EPSTI1: variants seen among roughly 807,000 people sequenced by gnomAD.
EPSTI1 encodes the protein epithelial-stromal interaction protein 1.
EPSTI1 carries 66 observed loss-of-function variants against 49.9 expected under a neutral mutation model. The observed-to-expected ratio is 1.32, with a 90% confidence interval of 1.08 to 1.62. The LOEUF (loss-of-function observed/expected upper bound fraction) is 1.62. EPSTI1 is among the 40% of genes most tolerant of loss of function. EPSTI1 has a pLI of 0.00. For missense variants in EPSTI1, 394 were observed against 365.5 expected, an observed-to-expected ratio of 1.08 and a Z score of -0.64; for synonymous variants, 137 against 130.7, an observed-to-expected ratio of 1.05 and a Z score of -0.33.
intron 10 of EPSTI1, among the ~76,000 whole-genome samples, chr13:42,889,929 A>AT (rs35017316): frequency 0.071 from 10,750 of 152,154 alleles, 512 homozygotes; most frequent in Admixed American, 0.099. Context: ...TCCAGTTAGA[A>AT]TTTTTTTATG....
intron 9 of EPSTI1, among the ~76,000 whole-genome samples, chr13:42,899,661 C>G (rs1348250824): frequency 6.6e-6 from 1 of 152,186 alleles, no homozygotes; most frequent in Non-Finnish European, 1.5e-5. Flanking sequence ...CCAAGATACT[C>G]AAGTACACCC....
intron 6 of EPSTI1, chr13:42,934,213 AACTG>A (rs1453546841): frequency 6.5e-6 from 1 of 153,566 alleles, no homozygotes; most frequent in Non-Finnish European, 1.5e-5. Flanking sequence ...TAACTTGTGT[AACTG>A]ATTCTGGCAT....
chr13:42,978,215 A>T (rs1007778511), intron 1 of EPSTI1, among the ~76,000 whole-genome samples: 3 of 151,938 alleles, frequency 2.0e-5, no homozygotes, highest in Non-Finnish European at 2.9e-5. Flanking sequence ...CAGCTTCAAG[A>T]GGCCCTGATG....
At position 42,888,395 on chromosome 13, in the gene EPSTI1, G is replaced by A. The variant is rs180729279; in HGVS notation, c.*99C>T. The stretch of plus-strand genomic sequence containing the variant: ...AAGTGTGTGGGCAGTTGAAATTAAG[G>A]TAAAAACAGTGAGGCTGAACAAAAT... On this transcript the variant is annotated 3_prime_UTR_variant, in exon 11 of 11. Transcript: ENST00000313624. 1.2e-6 allele frequency: 2 copies of A among 1,614,144 alleles called. No individual in the cohort carries two copies. The highest frequency in any genetic ancestry group is 1.7e-6 in the Non-Finnish European group (2 of 1,180,014).
intron 8 of EPSTI1, among the ~76,000 whole-genome samples, chr13:42,903,827 A>C (rs1365441239): frequency 1.3e-5 from 2 of 152,210 alleles, no homozygotes; most frequent in African/African-American, 4.8e-5. Flanking sequence ...TTATTTATAA[A>C]CTTGGAGTGA....
intron 6 of EPSTI1, among the ~76,000 whole-genome samples, chr13:42,936,470 A>G (rs1399534425): frequency 6.6e-6 from 1 of 152,144 alleles, no homozygotes; most frequent in African/African-American, 2.4e-5. Context: ...TGAACTTTCA[A>G]CACTAGTAAG....
chr13:42,909,775 G>A (rs1303400862), intron 8 of EPSTI1, among the ~76,000 whole-genome samples: 1 of 152,112 alleles, frequency 6.6e-6, no homozygotes, highest in African/African-American at 2.4e-5. Context: ...AGGCTGGGGG[G>A]GTTAGGAGGA....
At chr13:42,890,164 T>C (rs2153407352) in intron 10 of EPSTI1, among the ~76,000 whole-genome samples, 2 of 152,352 alleles carry the variant, frequency 1.3e-5, no homozygotes, top group Admixed American at 1.3e-4. Flanking sequence ...CTCTCAGTTC[T>C]TTGCTTTGAT....
intron 6 of EPSTI1, among the ~76,000 whole-genome samples, chr13:42,939,854 G>T (rs943559138): frequency 2.0e-5 from 3 of 152,170 alleles, no homozygotes; most frequent in Non-Finnish European, 4.4e-5. Flanking sequence ...TCTGTGAGGT[G>T]CAATAAAGCA....
chr13:42,959,735 A>C (rs1487395268), intron 5 of EPSTI1, among the ~76,000 whole-genome samples: 3 of 152,224 alleles, frequency 2.0e-5, no homozygotes, highest in Non-Finnish European at 4.4e-5. Context: ...GAAGCCACTC[A>C]GATCTTTAGC....
Position 42,920,908 on chromosome 13 carries a change from T to A in EPSTI1, c.658-3284A>T, listed in dbSNP as rs188640908. ...AAGGAGGAGTTTGGAGACATTTTTTTAAATCTCCCCTTCTTCCCCCCAAAA... is the reference window on the plus strand; with the variant it reads ...AAGGAGGAGTTTGGAGACATTTTTTAAAATCTCCCCTTCTTCCCCCCAAAA... On this transcript the variant is annotated intron_variant, in intron 7 of 10. Coordinates refer to ENST00000313624, the MANE Select transcript of EPSTI1 (RefSeq NM_033255.5). Among the ~76,000 whole-genome samples, 388 of 152,260 alleles carry A rather than the reference T, an allele frequency of 2.5e-3. 2 individuals carry two copies. The highest frequency in any genetic ancestry group is 8.3e-3 in the African/African-American group (346 of 41,552).
chr13:42,978,580 C>CT (rs2039926497), intron 1 of EPSTI1, among the ~76,000 whole-genome samples: 1 of 152,236 alleles, frequency 6.6e-6, no homozygotes, highest in Non-Finnish European at 1.5e-5. Context: ...CCCAGGATTT[C>CT]TTTTCATTTC....
intron 8 of EPSTI1, among the ~76,000 whole-genome samples, chr13:42,909,518 C>G (rs991407889): frequency 6.6e-6 from 1 of 152,026 alleles, no homozygotes; most frequent in Non-Finnish European, 1.5e-5. Context: ...TCACAATAGC[C>G]AAGATATGGA....
intron 5 of EPSTI1, among the ~76,000 whole-genome samples, chr13:42,957,621 G>A (rs185930997): frequency 6.6e-6 from 1 of 152,112 alleles, no homozygotes; most frequent in Non-Finnish European, 1.5e-5. Flanking sequence ...TGTCACCCAG[G>A]CTGCAGTGCA....
chr13:42,981,636 G>A (rs1446433223), intron 1 of EPSTI1, among the ~76,000 whole-genome samples: 1 of 152,166 alleles, frequency 6.6e-6, no homozygotes, highest in Non-Finnish European at 1.5e-5. Flanking sequence ...TGCACAAACA[G>A]GAATGTAAAT....
rs561853565 is a variant in EPSTI1, at chr13:42,942,465, C to T, written c.563+11483G>A. Among the ~76,000 whole-genome samples, 4 of 151,974 alleles carry T rather than the reference C, an allele frequency of 2.6e-5. No individual in the cohort carries two copies. In the East Asian group the frequency reaches 5.8e-4, roughly 22 times the overall value. ...TTTGTGTTATTTATCCTAATTTGTA[C>T]ATATAATTAGCATATAATTAAACAT... On this transcript the variant is annotated intron_variant, in intron 6 of 10. Transcript: ENST00000313624.
intron 3 of EPSTI1, 78 bp from the exon 4 acceptor site, chr13:42,964,217 T>C (rs1291820996): frequency 9.3e-7 from 1 of 1,077,020 alleles, no homozygotes; most frequent in Admixed American, 2.4e-5. Context: ...AATTAATATA[T>C]AATAAATCTA....
At chr13:42,943,341 C>A (rs1198717347) in intron 6 of EPSTI1, among the ~76,000 whole-genome samples, 1 of 152,238 alleles carries the variant, frequency 6.6e-6, no homozygotes, top group African/African-American at 2.4e-5. Context: ...TGGCTGCTCA[C>A]TTTCCTTCAC....
intron 9 of EPSTI1, among the ~76,000 whole-genome samples, chr13:42,895,433 T>G (rs924599103): frequency 1.1e-4 from 17 of 152,172 alleles, no homozygotes; most frequent in Non-Finnish European, 2.2e-4. Flanking sequence ...GGTATGAACC[T>G]CAGAGGCTGG....
Sources: gnomAD v4.1 joint callset for allele counts (sites outside exome capture counted in the v4.1 genomes callset) on GRCh38, gnomAD v4.1.1 for gene constraint, MANE v1.5 for transcripts, NCBI Gene and HGNC (gene_info 2026-07-23, HGNC 2026-07-21) for gene names.